Variants in TOR1AIP2 observed in about 807,000 individuals in gnomAD.
TOR1AIP2 encodes the protein torsin 1A interacting protein 2, also known as torsin-1A-interacting protein 2.
Under a neutral mutation model 32.6 loss-of-function variants are expected in TOR1AIP2, and 20 were observed. The observed-to-expected ratio is 0.61, with a 90% CI of 0.43 to 0.89. The LOEUF is 0.89. Ranked by LOEUF, TOR1AIP2 falls within the 40% of genes least tolerant of loss-of-function variation. TOR1AIP2 has a pLI of 0.00. For missense variants in TOR1AIP2, 456 were observed against 553.8 expected (o/e 0.82, Z 1.77); for synonymous variants, 214 against 210.8 (o/e 1.02, Z -0.13).
rs553808377 is a variant in TOR1AIP2, at chr1:179,852,876, GCTTT to G, written c.-146-69_-146-66del. The G allele has an allele frequency of 2.1e-4, 240 of 1,162,542 alleles. No individual in the cohort carries two copies. In the African/African-American group the frequency reaches 3.4e-3, roughly 16 times the overall value. 72.0% of individuals were successfully genotyped at this position (1,162,542 alleles called of 1,614,324 possible). ...ATACAAGGGAGAAATGCAAGTATCA[GCTTT>G]ATTTATTAAATATGTGTAGCTTGAG... is the stretch of plus-strand genomic sequence containing the variant. On this transcript the variant is annotated intron_variant, in intron 3 of 6. Coordinates refer to ENST00000609928, the MANE Select transcript of TOR1AIP2 (RefSeq NM_001199260.2).
chr1:179,858,302 CATT>C (rs1465309962), intron 3 of TOR1AIP2, among the ~76,000 whole-genome samples: 2 of 151,706 alleles, frequency 1.3e-5, no homozygotes, highest in Non-Finnish European at 2.9e-5. Context: ...TAATGTACAG[CATT>C]ATTAACATAT....
intron 3 of TOR1AIP2, among the ~76,000 whole-genome samples, chr1:179,854,463 A>G (rs571615283): frequency 1.3e-5 from 2 of 152,374 alleles, no homozygotes; most frequent in South Asian, 4.1e-4. Context: ...GTTGGTTTCT[A>G]GTGAAATGGA....
At chr1:179,859,424 T>G (rs1364565345) in intron 3 of TOR1AIP2, 1 of 985,446 alleles carries the variant, frequency 1.0e-6, no homozygotes, top group African/African-American at 1.7e-5. Flanking sequence ...GACCTAACCA[T>G]GACACTTTTA....
intron 2 of TOR1AIP2, chr1:179,875,424 A>C (rs1697159871): frequency 6.6e-6 from 1 of 152,242 alleles, no homozygotes. Flanking sequence ...GGGGCACAAA[A>C]GAAGTCCTCA....
chr1:179,861,818 A>AT, intron 3 of TOR1AIP2: 1 of 976,668 alleles, frequency 1.0e-6, no homozygotes, highest in Non-Finnish European at 1.2e-6. Context: ...TGGTCTAGAG[A>AT]GCACCTGCAT....
rs1007797518 is a variant in TOR1AIP2, at chr1:179,845,622, T to C, written c.*449A>G. 4 of 153,566 alleles carry C rather than the reference T, an allele frequency of 2.6e-5. No homozygotes were observed. Among genetic ancestry groups the C allele is most frequent in the African/African-American group, 7.2e-5 (3 of 41,454 alleles). 9.5% of individuals were successfully genotyped at this position (153,566 alleles called of 1,614,324 possible). A position where few individuals can be genotyped will look rare whatever the true frequency, so the allele number is the denominator to read the frequency against. ...GTAAGGTTTGAAAATATTCAACATG[T>C]GATAGAAAAATTTTCTAAAGGTTAT... On this transcript the variant is annotated 3_prime_UTR_variant, in exon 7 of 7. Coordinates refer to ENST00000609928, the MANE Select transcript of TOR1AIP2 (RefSeq NM_001199260.2).
rs1647441330 is a variant in TOR1AIP2 at position 179,877,675 on chromosome 1, GT to G, written c.-701+17del. ...TACTAAAACATGGAAAAGCTGCATAGTCATTTTGTTTACTTACAAATTCTGG... is the reference window on the plus strand; with the variant it reads ...TACTAAAACATGGAAAAGCTGCATAGCATTTTGTTTACTTACAAATTCTGG... On this transcript the variant is annotated intron_variant, in intron 1 of 6. Transcript: ENST00000609928. The G allele has an allele frequency of 6.6e-6, 1 of 152,232 alleles. No homozygotes were observed. Among genetic ancestry groups the G allele is most frequent in the Admixed American group, 6.5e-5 (1 of 15,278 alleles). 9.4% of individuals were successfully genotyped at this position (152,232 alleles called of 1,614,324 possible).
At position 179,846,271 on chromosome 1, in the gene TOR1AIP2, A is replaced by G. The variant is rs752683956; in HGVS notation, c.1213T>C (p.Leu405=). Residue 405 remains leucine, a synonymous_variant, in exon 7 of 7, where the codon TTA becomes CTA. Transcript: ENST00000609928. ...TCCCTTGGGCCTACACTTGCTTCTA[A>G]TGTTTCCTCCTCTAGCAGAACAGTC... ...VLTVLLEEET[L]EASVGPRETE... 8 of 1,613,994 alleles carry G rather than the reference A, an allele frequency of 5.0e-6. No individual in the cohort carries two copies. The Admixed American group carries it at 1.2e-4, about 24-fold the overall frequency.
chr1:179,852,000 G>T (rs1297856658), intron 4 of TOR1AIP2, among the ~76,000 whole-genome samples: 2 of 152,182 alleles, frequency 1.3e-5, no homozygotes, highest in African/African-American at 4.8e-5. Flanking sequence ...AGTAAGAATG[G>T]CCAGATGTGG....
intron 3 of TOR1AIP2, chr1:179,862,790 T>C (rs2148444921): frequency 7.6e-6 from 2 of 263,868 alleles, no homozygotes; most frequent in Admixed American, 6.5e-5. Context: ...TAGCCAGACA[T>C]GGTGGCGGGC....
At chr1:179,874,926 G>C (rs1697136370) in intron 2 of TOR1AIP2, 1 of 152,400 alleles carries the variant, frequency 6.6e-6, no homozygotes, top group Admixed American at 6.5e-5. Context: ...AGGTCAGACT[G>C]CCTAGACCTG....
At chr1:179,855,761 G>C (rs1008320058) in intron 3 of TOR1AIP2, among the ~76,000 whole-genome samples, 15 of 152,226 alleles carry the variant, frequency 9.9e-5, no homozygotes, top group Middle Eastern at 3.4e-3. Flanking sequence ...GAAAAAATTA[G>C]AAAATCTAAA....
At chr1:179,856,673 G>A (rs1321505628) in intron 3 of TOR1AIP2, among the ~76,000 whole-genome samples, 18 of 152,184 alleles carry the variant, frequency 1.2e-4, no homozygotes, top group Admixed American at 1.1e-3. Context: ...CTGGAGTGAA[G>A]TGGTGTAATC....
Position 179,845,977 on chromosome 1 carries a change from G to A in TOR1AIP2, c.*94C>T, listed in dbSNP as rs926605794. The A allele has an allele frequency of 5.3e-6, 6 of 1,129,842 alleles. No individual in the cohort carries two copies. Among genetic ancestry groups the A allele is most frequent in the Non-Finnish European group, 7.5e-6 (6 of 798,442 alleles). The allele number at this position is 1,129,842 out of a possible 1,614,324, so 70.0% of individuals were successfully genotyped here. A position where few individuals can be genotyped will look rare whatever the true frequency, so the allele number is the denominator to read the frequency against. ...TTTGTTTTTCAGGCTATTTCCTCAA[G>A]CTATTTTATCAACCTCCTTCCATAT... On this transcript the variant is annotated 3_prime_UTR_variant, in exon 7 of 7. Coordinates refer to ENST00000609928, the MANE Select transcript of TOR1AIP2 (RefSeq NM_001199260.2).
intron 5 of TOR1AIP2, among the ~76,000 whole-genome samples, chr1:179,848,497 C>A (rs1696002107): frequency 6.6e-6 from 1 of 152,154 alleles, no homozygotes; most frequent in South Asian, 2.1e-4. Flanking sequence ...GAAGAAAATT[C>A]ACGAAATATG....
intron 3 of TOR1AIP2, 50 bp downstream of exon 3, chr1:179,865,386 G>A: frequency 1.7e-6 from 1 of 592,876 alleles, no homozygotes; most frequent in South Asian, 2.5e-5. Flanking sequence ...TTGCAACTCA[G>A]TCTCTGAACT....
In TOR1AIP2 at chr1:179,866,777, A is replaced by G. The variant is rs550861042; in HGVS notation, c.-565-923T>C. Among the ~76,000 whole-genome samples, 3 of 152,338 alleles carry G rather than the reference A, an allele frequency of 2.0e-5. No homozygotes were observed. The South Asian group carries it at 6.2e-4, about 32-fold the overall frequency. ...GGCAAGTAAGGCACAGCCCTGAGCA[A>G]TAGTCCTGAGCTATTCTTGGAAAAT... On this transcript the variant is annotated intron_variant, in intron 2 of 6. Coordinates refer to ENST00000609928, the MANE Select transcript of TOR1AIP2 (RefSeq NM_001199260.2).
chr1:179,863,594 C>T (rs1308192817), intron 3 of TOR1AIP2: 3 of 979,186 alleles, frequency 3.1e-6, no homozygotes, highest in East Asian at 1.2e-4. Context: ...CTTGGGAGAC[C>T]GAGGTGGGAG....
chr1:179,848,360 G>A (rs893417217), intron 5 of TOR1AIP2, among the ~76,000 whole-genome samples: 3 of 152,128 alleles, frequency 2.0e-5, no homozygotes, highest in African/African-American at 4.8e-5. Flanking sequence ...TCAAGACCCC[G>A]AATATAAAAA....
Sources: allele counts gnomAD v4.1 joint callset (sites outside exome capture counted in the v4.1 genomes callset), GRCh38; gene constraint gnomAD v4.1.1; transcripts MANE v1.5; gene names NCBI Gene and HGNC (gene_info 2026-07-23, HGNC 2026-07-21).